The following CFAP20DC variants were observed in gnomAD, a reference collection of about 807,000 sequenced individuals.
CFAP20DC encodes the protein protein CFAP20DC.
Under a neutral mutation model 101.7 loss-of-function variants are expected in CFAP20DC, and 84 were observed. The ratio of observed to expected loss-of-function variants is 0.83; its 90% CI spans 0.69 to 0.99. The LOEUF is 0.99. Among genes scored for constraint, CFAP20DC ranks in the 50% least tolerant of loss-of-function variants. CFAP20DC has a pLI of 0.00. For missense variants in CFAP20DC, 1,007 were observed against 970.3 expected (o/e 1.04, Z -0.50); for synonymous variants, 359 against 351.2 (o/e 1.02, Z -0.25).
chr3:58,846,098 T>C (rs1286135316), intron 13 of CFAP20DC, among the ~76,000 whole-genome samples: 33 of 143,216 alleles, frequency 2.3e-4, no homozygotes, highest in Admixed American at 6.9e-4. Flanking sequence ...CTTTGAAAAC[T>C]GGCACAAGAC....
intron 4 of CFAP20DC, among the ~76,000 whole-genome samples, chr3:59,010,922 C>T (rs867483945): frequency 5.3e-5 from 8 of 152,138 alleles, no homozygotes; most frequent in Middle Eastern, 3.4e-3. Context: ...CAAAATGATA[C>T]AAATAAATGG....
intron 3 of CFAP20DC, among the ~76,000 whole-genome samples, chr3:59,039,987 C>A (rs1445494036): frequency 5.9e-5 from 9 of 151,948 alleles, no homozygotes; most frequent in Non-Finnish European, 1.0e-4. Flanking sequence ...CCATTCAAGG[C>A]AGCCATAAAA....
In CFAP20DC at chr3:59,049,648, G is replaced by C; in HGVS notation, c.-17C>G. On this transcript the variant is annotated 5_prime_UTR_variant, in exon 1 of 17. Transcript: ENST00000482387. ...TTTGAACATTCCCGCAGGGGGCCCA[G>C]GGCTTGGGGGGCACAGAGTTCAGGG... 1 of 1,535,914 alleles carries C rather than the reference G, an allele frequency of 6.5e-7. No individual in the cohort carries two copies. Among genetic ancestry groups the C allele is most frequent in the Middle Eastern group, 1.7e-4 (1 of 5,990 alleles).
intron 15 of CFAP20DC, among the ~76,000 whole-genome samples, chr3:58,774,164 G>T (rs751933212): frequency 6.6e-6 from 1 of 151,974 alleles, no homozygotes; most frequent in Non-Finnish European, 1.5e-5. Context: ...AGCATTGTCT[G>T]ATTAATTACA....
At chr3:58,936,161 A>T (rs1455690805) in intron 5 of CFAP20DC, among the ~76,000 whole-genome samples, 1 of 152,188 alleles carries the variant, frequency 6.6e-6, no homozygotes, top group Non-Finnish European at 1.5e-5. Context: ...CAGCCAAAAC[A>T]CACATGAAAA....
intron 4 of CFAP20DC, among the ~76,000 whole-genome samples, chr3:58,969,290 C>A (rs529111084): frequency 6.6e-6 from 1 of 152,210 alleles, no homozygotes; most frequent in East Asian, 1.9e-4. Context: ...CCATGAGATA[C>A]CATTTCGCAC....
chr3:58,817,137 T>C (rs1040293925), intron 14 of CFAP20DC, among the ~76,000 whole-genome samples: 1 of 151,870 alleles, frequency 6.6e-6, no homozygotes, highest in Non-Finnish European at 1.5e-5. Context: ...AAAACCCATC[T>C]GTACATCACC....
chr3:58,795,416 G>A lies in CFAP20DC; in HGVS notation c.2237+10979C>T, dbSNP rs531199704. Among the ~76,000 whole-genome samples the A allele has an allele frequency of 2.0e-5, 3 of 152,196 alleles. No individual in the cohort carries two copies. Among genetic ancestry groups the A allele is most frequent in the South Asian group, 4.2e-4 (2 of 4,804 alleles). Reference sequence around the variant, plus strand: ...CTTTGGGAGGCCAAGGTGGAGGGACGGTTGCTTGAGCCCAGGAGTACGAGA... The same window carrying A: ...CTTTGGGAGGCCAAGGTGGAGGGACAGTTGCTTGAGCCCAGGAGTACGAGA... On this transcript the variant is annotated intron_variant, in intron 15 of 16. Transcript: ENST00000482387. This position sits in a 1 kb window ranked among gnomAD's most constrained non-coding sequence, Gnocchi z 4.2.
At chr3:58,984,275 G>C (rs2092681376) in intron 4 of CFAP20DC, among the ~76,000 whole-genome samples, 1 of 152,132 alleles carries the variant, frequency 6.6e-6, no homozygotes, top group South Asian at 2.1e-4. Flanking sequence ...TCTTTGTTGT[G>C]ACACTATATT....
At chr3:58,835,367 T>C (rs1404718768) in intron 13 of CFAP20DC, among the ~76,000 whole-genome samples, 2 of 152,138 alleles carry the variant, frequency 1.3e-5, no homozygotes, top group Admixed American at 6.6e-5. Context: ...GTAATTAAAT[T>C]TGTTGACAAA....
chr3:58,774,500 C>T (rs2071142564), intron 15 of CFAP20DC, among the ~76,000 whole-genome samples: 1 of 152,142 alleles, frequency 6.6e-6, no homozygotes, highest in Non-Finnish European at 1.5e-5. Flanking sequence ...CTTCAGAATG[C>T]TTCCATAAAG....
intron 7 of CFAP20DC, among the ~76,000 whole-genome samples, chr3:58,875,449 G>A (rs961934496): frequency 6.6e-6 from 1 of 152,082 alleles, no homozygotes; most frequent in African/African-American, 2.4e-5. Context: ...AAATGGGTGC[G>A]GAGAGTAATG....
intron 14 of CFAP20DC, among the ~76,000 whole-genome samples, chr3:58,815,935 T>G (rs1169072578): frequency 6.6e-6 from 1 of 151,546 alleles, no homozygotes; most frequent in Non-Finnish European, 1.5e-5. Flanking sequence ...GTTCAACCAT[T>G]GTGGAAGTCA....
intron 4 of CFAP20DC, among the ~76,000 whole-genome samples, chr3:58,982,093 A>G (rs2092573701): frequency 6.6e-6 from 1 of 152,242 alleles, no homozygotes; most frequent in South Asian, 2.1e-4. Flanking sequence ...TGCAGCCAAA[A>G]GACACATGAA....
intron 15 of CFAP20DC, among the ~76,000 whole-genome samples, chr3:58,754,812 C>T (rs2068816620): frequency 1.3e-5 from 2 of 152,062 alleles, no homozygotes; most frequent in Non-Finnish European, 2.9e-5. Flanking sequence ...AACTTGGCCA[C>T]GTCACTTAGC....
chr3:58,778,687 T>C (rs2071557576), intron 15 of CFAP20DC, among the ~76,000 whole-genome samples: 1 of 152,208 alleles, frequency 6.6e-6, no homozygotes, highest in South Asian at 2.1e-4. Flanking sequence ...TAACACAGGA[T>C]CCAGTGTATG....
chr3:59,025,551 T>G (rs2093878479), intron 4 of CFAP20DC, among the ~76,000 whole-genome samples: 1 of 152,164 alleles, frequency 6.6e-6, no homozygotes, highest in South Asian at 2.1e-4. Context: ...ATTATTGAAT[T>G]TAACCCTCTT....
intron 14 of CFAP20DC, among the ~76,000 whole-genome samples, chr3:58,809,461 A>G (rs1559622662): frequency 6.6e-6 from 1 of 152,186 alleles, no homozygotes; most frequent in Admixed American, 6.5e-5. Context: ...TACTGGGTAC[A>G]TAACGAAATG....
intron 4 of CFAP20DC, among the ~76,000 whole-genome samples, chr3:58,998,906 T>C (rs2093222074): frequency 6.6e-6 from 1 of 152,262 alleles, no homozygotes; most frequent in Admixed American, 6.5e-5. Context: ...TCATTTTCTG[T>C]GGAAGAAATT....
Sources: allele counts gnomAD v4.1 joint callset (sites outside exome capture counted in the v4.1 genomes callset), GRCh38; gene constraint gnomAD v4.1.1; non-coding constraint Gnocchi (gnomAD v3.1); transcripts MANE v1.5; gene names NCBI Gene and HGNC (gene_info 2026-07-23, HGNC 2026-07-21).